The following USP6NL variants were observed in gnomAD, a reference collection of about 807,000 sequenced individuals.
The protein encoded by USP6NL is USP6 N-terminal-like protein.
In USP6NL, 26 loss-of-function variants were observed where a neutral mutation model predicts 61.9. The observed-to-expected ratio is 0.42, with a 90% CI of 0.31 to 0.58. The LOEUF is 0.58. Among genes scored for constraint, USP6NL ranks in the 20% least tolerant of loss-of-function variants. USP6NL has a pLI of 0.16. For synonymous variants in USP6NL, 432 were observed against 390.1 expected (o/e 1.11, Z -1.27); for missense variants, 1,114 against 1,034.3 (o/e 1.08, Z -1.06).
At chr10:11,527,091 G>A (rs1313581582) in intron 3 of USP6NL, among the ~76,000 whole-genome samples, 1 of 151,566 alleles carries the variant, frequency 6.6e-6, no homozygotes, top group East Asian at 1.9e-4. Context: ...AGAATGTAGA[G>A]TCTCGGCAGG....
chr10:11,609,283 T>C (rs1838803307), intron 1 of USP6NL, among the ~76,000 whole-genome samples: 2 of 152,126 alleles, frequency 1.3e-5, no homozygotes, highest in Non-Finnish European at 2.9e-5. Context: ...GCCAGGCTGG[T>C]CTTGAACCCC....
chr10:11,605,506 G>C (rs1331937305), intron 1 of USP6NL, among the ~76,000 whole-genome samples: 1 of 152,046 alleles, frequency 6.6e-6, no homozygotes, highest in Non-Finnish European at 1.5e-5. Context: ...AAGATAAGCA[G>C]GTATACAAGG....
intron 13 of USP6NL, among the ~76,000 whole-genome samples, chr10:11,483,943 T>C (rs551329756): frequency 7.2e-5 from 11 of 152,164 alleles, no homozygotes; most frequent in Non-Finnish European, 1.5e-4. Context: ...GTATGGATAA[T>C]CTGGCACTCC....
In USP6NL at chr10:11,562,817, T is replaced by G. The variant is rs1361010407; in HGVS notation, c.4+34814A>C. 9.9e-5 allele frequency: 97 copies of G among 978,544 alleles called. 1 individual carries two copies. The highest frequency in any genetic ancestry group is 1.1e-4 in the Non-Finnish European group (93 of 823,860). 60.6% of individuals were successfully genotyped at this position (978,544 alleles called of 1,614,324 possible). On this transcript the variant is annotated intron_variant, in intron 2 of 14. Transcript: ENST00000609104. This position sits in a 1 kb window ranked among gnomAD's most constrained non-coding sequence, Gnocchi z 4.8. ...TCTAGTTTTATTAGGCATTAGTAAATAAGTTTTAGAAGAATAATAGTAAGG... is the reference window on the plus strand; with the variant it reads ...TCTAGTTTTATTAGGCATTAGTAAAGAAGTTTTAGAAGAATAATAGTAAGG...
chr10:11,563,376 T>G (rs1354021573), intron 2 of USP6NL: 1 of 151,876 alleles, frequency 6.6e-6, no homozygotes, highest in Non-Finnish European at 1.5e-5. Flanking sequence ...GTTACACAAA[T>G]CTACACATGA....
chr10:11,577,112 C>T (rs1002768858), intron 2 of USP6NL, among the ~76,000 whole-genome samples: 4 of 145,570 alleles, frequency 2.7e-5, no homozygotes, highest in African/African-American at 5.1e-5. Flanking sequence ...GGCTGGAGTA[C>T]AGTGGTGCGA....
Position 11,482,969 on chromosome 10 carries a change from C to A in USP6NL, c.926-1047G>T, listed in dbSNP as rs1425874204. 6.6e-6 allele frequency among the ~76,000 whole-genome samples: 1 copy of A among 152,114 alleles called. No individual in the cohort carries two copies. Among genetic ancestry groups the A allele is most frequent in the Non-Finnish European group, 1.5e-5 (1 of 68,036 alleles). ...AGCTAATTGACACATCATTACCTCA[C>A]ATACTTATCTGTCCATAGTGAGAAC... On this transcript the variant is annotated intron_variant, in intron 13 of 14. Coordinates refer to ENST00000609104, the MANE Select transcript of USP6NL (RefSeq NM_014688.5). This position sits in a 1 kb window ranked among gnomAD's most constrained non-coding sequence, Gnocchi z 4.0.
Position 11,596,506 on chromosome 10 carries a change from C to G in USP6NL, c.4+1125G>C, listed in dbSNP as rs557821800. 2.6e-5 allele frequency among the ~76,000 whole-genome samples: 4 copies of G among 152,156 alleles called. No homozygotes were observed. In the East Asian group the frequency reaches 7.7e-4, roughly 29 times the overall value. On this transcript the variant is annotated intron_variant, in intron 2 of 14. Coordinates refer to ENST00000609104, the MANE Select transcript of USP6NL (RefSeq NM_014688.5). This position sits in a 1 kb window ranked among gnomAD's most constrained non-coding sequence, Gnocchi z 4.1. The stretch of plus-strand genomic sequence containing the variant: ...GGGCCTGGTGGCGGGCGCCTGTAGT[C>G]CCAGCTACTCGGGAGGCTGAGGCAG...
At chr10:11,606,860 G>C (rs1323027093) in intron 1 of USP6NL, among the ~76,000 whole-genome samples, 1 of 149,426 alleles carries the variant, frequency 6.7e-6, no homozygotes, top group Non-Finnish European at 1.5e-5. Context: ...GTGTGATCTC[G>C]GCTCAGTGCA....
At chr10:11,508,424 C>A (rs942162493) in intron 6 of USP6NL, among the ~76,000 whole-genome samples, 3 of 152,130 alleles carry the variant, frequency 2.0e-5, no homozygotes, top group African/African-American at 7.2e-5. Context: ...AAAACTATTT[C>A]TTTTTACAGT....
rs1433260423 is a variant in USP6NL at position 11,585,360 on chromosome 10, G to A, written c.4+12271C>T. Among the ~76,000 whole-genome samples the A allele has an allele frequency of 1.3e-5, 2 of 152,192 alleles. No individual in the cohort carries two copies. Among genetic ancestry groups the A allele is most frequent in the African/African-American group, 2.4e-5 (1 of 41,450 alleles). Reference sequence around the variant, plus strand: ...TCCACTTCTTGGTACAGACCCAGAAGAATTGAAAGCAGGGTTCCAAAGATG... The same window carrying A: ...TCCACTTCTTGGTACAGACCCAGAAAAATTGAAAGCAGGGTTCCAAAGATG... On this transcript the variant is annotated intron_variant, in intron 2 of 14. Transcript: ENST00000609104. This position sits in a 1 kb window ranked among gnomAD's most constrained non-coding sequence, Gnocchi z 4.5.
chr10:11,533,471 T>C (rs887645017), intron 2 of USP6NL, among the ~76,000 whole-genome samples: 2 of 152,182 alleles, frequency 1.3e-5, no homozygotes, highest in Non-Finnish European at 2.9e-5. Context: ...AGTTCAGAGA[T>C]TGCCCTGCAT....
chr10:11,584,754 T>A (rs1201178579), intron 2 of USP6NL, among the ~76,000 whole-genome samples: 2 of 151,992 alleles, frequency 1.3e-5, no homozygotes, highest in East Asian at 3.9e-4. Flanking sequence ...CTGGTCAACA[T>A]GGCAAAACCC....
rs575175563 is a variant in USP6NL at position 11,474,863 on chromosome 10, G to A, written c.1078+6907C>T. ...GTGACTCAAAAGCGGCCGGGGAGGT[G>A]GGATGTGAAGTGTGGAAGCTGCGGA... is the stretch of plus-strand genomic sequence containing the variant. On this transcript the variant is annotated intron_variant, in intron 14 of 14. Transcript: ENST00000609104. This position sits in a 1 kb window ranked among gnomAD's most constrained non-coding sequence, Gnocchi z 4.9. 7.2e-5 allele frequency among the ~76,000 whole-genome samples: 11 copies of A among 152,218 alleles called. No individual in the cohort carries two copies. Among genetic ancestry groups the A allele is most frequent in the Admixed American group, 7.2e-4 (11 of 15,302 alleles).
At chr10:11,547,967 A>C (rs1275676565) in intron 2 of USP6NL, among the ~76,000 whole-genome samples, 1 of 152,218 alleles carries the variant, frequency 6.6e-6, no homozygotes, top group African/African-American at 2.4e-5. Flanking sequence ...TAAAAAGTTA[A>C]AAAATTGGAA....
At position 11,575,777 on chromosome 10, in the gene USP6NL, G is replaced by A. The variant is rs1471125197; in HGVS notation, c.4+21854C>T. Among the ~76,000 whole-genome samples the A allele has an allele frequency of 2.6e-5, 4 of 152,128 alleles. No individual in the cohort carries two copies. Among genetic ancestry groups the A allele is most frequent in the Middle Eastern group, 6.3e-3 (2 of 316 alleles). Reference sequence around the variant, plus strand: ...ATCACATACTCTGATGTATGTAACTGAGCTGAACTCTTTAAAATGCCAAAG... The same window carrying A: ...ATCACATACTCTGATGTATGTAACTAAGCTGAACTCTTTAAAATGCCAAAG... On this transcript the variant is annotated intron_variant, in intron 2 of 14. Transcript: ENST00000609104. The surrounding 1 kb of genome is among the most constrained non-coding windows in gnomAD (Gnocchi z 4.2).
intron 2 of USP6NL, among the ~76,000 whole-genome samples, chr10:11,571,426 C>G (rs1287283765): frequency 6.6e-6 from 1 of 152,106 alleles, no homozygotes; most frequent in Non-Finnish European, 1.5e-5. Context: ...TCTTACTTAG[C>G]ATAAGTTTGT....
rs1364191025 is a variant in USP6NL, at chr10:11,527,514, C to T, written c.58G>A (p.Ala20Thr). The stretch of plus-strand genomic sequence containing the variant: ...TGGATACTTACTCTGTCATATTTAG[C>T]AACTATTTCAGCTCGCTCCTGGGCA... ...KLAQERAEIV[A>T]KYDRGREGAE... The change falls in exon 3 of 15, where the codon GCT becomes ACT. Residue 20 changes from alanine (A) to threonine (T), a missense_variant. Transcript: ENST00000609104. The T allele has an allele frequency of 1.8e-5, 29 of 1,606,728 alleles. No homozygotes were observed. In the Admixed American group the frequency reaches 4.9e-4, roughly 27 times the overall value.
At chr10:11,570,419 G>A (rs192372583) in intron 2 of USP6NL, among the ~76,000 whole-genome samples, 2 of 152,298 alleles carry the variant, frequency 1.3e-5, no homozygotes, top group African/African-American at 4.8e-5. Flanking sequence ...GGAAAGGTCA[G>A]GACAGATACC....
Sources: allele counts gnomAD v4.1 joint callset (sites outside exome capture counted in the v4.1 genomes callset), GRCh38; gene constraint gnomAD v4.1.1; non-coding constraint Gnocchi (gnomAD v3.1); transcripts MANE v1.5; gene names NCBI Gene and HGNC (gene_info 2026-07-23, HGNC 2026-07-21).